The following SMYD1 variants were observed in gnomAD, a reference collection of about 807,000 sequenced individuals.
The protein encoded by SMYD1 is SET and MYND domain containing 1, also known as histone-lysine N-methyltransferase SMYD1.
A neutral mutation model predicts 54.0 loss-of-function variants in SMYD1; 49 were observed. The ratio of observed to expected loss-of-function variants is 0.91; its 90% CI spans 0.72 to 1.15. SMYD1 has a LOEUF of 1.15. SMYD1 is among the 50% of genes most tolerant of loss of function. The pLI is 0.00. For missense variants in SMYD1, 653 were observed against 639.6 expected (o/e 1.02, Z -0.23); for synonymous variants, 269 against 234.2 (o/e 1.15, Z -1.36).
intron 1 of SMYD1, among the ~76,000 whole-genome samples, chr2:88,070,761 TG>T (rs1160873583): frequency 1.1e-4 from 16 of 151,960 alleles, no homozygotes; most frequent in African/African-American, 3.9e-4. Flanking sequence ...CTGGCCAACA[TG>T]GTGAAACTCT....
Position 88,103,083 on chromosome 2 carries a change from T to C in SMYD1, c.914T>C (p.Met305Thr), listed in dbSNP as rs1558857705. The change falls in exon 7 of 10, where the codon ATG (methionine) becomes ACG (threonine). Residue 305 changes from methionine to threonine, a missense_variant. Met to Thr is a moderately conservative substitution (Grantham distance 81, BLOSUM62 -1). Transcript: ENST00000419482. ...PKPSQEVVKE[M>T]IQFSKDTLEK... ...CCCTCTCAGGAAGTGGTGAAGGAGA[T>C]GATACAATTCTCCAAGGATACATTG... is the stretch of plus-strand genomic sequence containing the variant. 1 of 1,614,042 alleles carries C rather than the reference T, an allele frequency of 6.2e-7. No homozygotes were observed.
chr2:88,093,336 C>T lies in SMYD1; in HGVS notation c.660-181C>T, dbSNP rs147147617. Among the ~76,000 whole-genome samples the T allele has an allele frequency of 9.8e-5, 15 of 152,298 alleles. No homozygotes were observed. In the East Asian group the frequency reaches 2.9e-3, roughly 29 times the overall value. On this transcript the variant is annotated intron_variant, in intron 4 of 9. Transcript: ENST00000419482. The stretch of plus-strand genomic sequence containing the variant: ...AATGTCTTGTTCCAAATTCAGTGCA[C>T]TTTCCCTATACTAGGCTGTGTCTTG...
chr2:88,079,691 G>A (rs992320009), intron 1 of SMYD1, among the ~76,000 whole-genome samples: 1 of 152,106 alleles, frequency 6.6e-6, no homozygotes, highest in Non-Finnish European at 1.5e-5. Flanking sequence ...TGTGGTGGCG[G>A]GTGCCTGTAA....
intron 1 of SMYD1, among the ~76,000 whole-genome samples, chr2:88,080,906 A>ATT (rs58421035): frequency 8.7e-4 from 127 of 146,370 alleles, no homozygotes; most frequent in East Asian, 2.2e-3. Context: ...TCATTATTTA[A>ATT]TTTTTTTTTT....
chr2:88,069,489 A>T (rs1472774139), intron 1 of SMYD1, among the ~76,000 whole-genome samples: 1 of 152,184 alleles, frequency 6.6e-6, no homozygotes, highest in East Asian at 1.9e-4. Flanking sequence ...AGCCAGCTGG[A>T]TTCAGAGTGA....
At chr2:88,079,992 T>G (rs909811890) in intron 1 of SMYD1, among the ~76,000 whole-genome samples, 46 of 152,252 alleles carry the variant, frequency 3.0e-4, no homozygotes, top group African/African-American at 1.1e-3. Flanking sequence ...ATTTTAAAAT[T>G]ACATATCTTT....
At position 88,091,090 on chromosome 2, in the gene SMYD1, C is replaced by G. The variant is rs746663101; in HGVS notation, c.607C>G (p.Leu203Val). Reference sequence around the variant, plus strand: ...CGTAGGCATCTTCCCCAACCTGGGCCTGGTGAACCATGACTGTTGGCCCAA... The same window carrying G: ...CGTAGGCATCTTCCCCAACCTGGGCGTGGTGAACCATGACTGTTGGCCCAA... ...VGVGIFPNLG[L>V]VNHDCWPNCT... Residue 203 changes from leucine (L) to valine (V), a missense_variant, in exon 4 of 10, where the codon CTG (leucine) becomes GTG (valine). Physicochemically the swap from Leu to Val is conservative, Grantham distance 32. Transcript: ENST00000419482. The G allele has an allele frequency of 2.5e-6, 4 of 1,614,206 alleles. No homozygotes were observed. In the Admixed American group the frequency reaches 5.0e-5, roughly 20 times the overall value.
chr2:88,079,973 T>C (rs1230825253), intron 1 of SMYD1, among the ~76,000 whole-genome samples: 1 of 152,232 alleles, frequency 6.6e-6, no homozygotes, highest in East Asian at 1.9e-4. Flanking sequence ...GTAAACCTCA[T>C]TTTAGCACAT....
chr2:88,094,474 T>C (rs1290262160), intron 5 of SMYD1, among the ~76,000 whole-genome samples: 1 of 152,160 alleles, frequency 6.6e-6, no homozygotes, highest in Non-Finnish European at 1.5e-5. Context: ...ATGAAGCTTG[T>C]CCAAGAAAGC....
At chr2:88,087,780 G>A in intron 2 of SMYD1, 82 bp from the exon 3 acceptor site, 2 of 1,234,824 alleles carry the variant, frequency 1.6e-6, no homozygotes, top group Admixed American at 2.9e-5. Flanking sequence ...CATTGTGCCT[G>A]GCATGCATGA....
At chr2:88,109,034 C>A (rs1366193673) in intron 9 of SMYD1, among the ~76,000 whole-genome samples, 1 of 152,196 alleles carries the variant, frequency 6.6e-6, no homozygotes, top group Non-Finnish European at 1.5e-5. Flanking sequence ...GTCTACCAGG[C>A]CCCACCTCCA....
intron 2 of SMYD1, among the ~76,000 whole-genome samples, chr2:88,085,901 A>G (rs1364202710): frequency 2.0e-5 from 3 of 152,210 alleles, no homozygotes; most frequent in Non-Finnish European, 4.4e-5. Context: ...ATGGTTGGTG[A>G]TGGTTGCACA....
Position 88,103,045 on chromosome 2 carries a change from C to A in SMYD1, c.889-13C>A. The stretch of plus-strand genomic sequence containing the variant: ...TGAAGGCATCTCTAGCTCAATGTGT[C>A]TCTCTTTCCCAGCCCTCTCAGGAAG... On this transcript the variant is annotated splice_polypyrimidine_tract_variant and intron_variant, in intron 6 of 9. Coordinates refer to ENST00000419482, the MANE Select transcript of SMYD1 (RefSeq NM_198274.4). 6.2e-7 allele frequency: 1 copy of A among 1,612,216 alleles called. No individual in the cohort carries two copies. Among genetic ancestry groups the A allele is most frequent in the South Asian group, 1.1e-5 (1 of 90,990 alleles).
intron 1 of SMYD1, among the ~76,000 whole-genome samples, chr2:88,074,161 C>T (rs1463896398): frequency 6.6e-6 from 1 of 152,200 alleles, no homozygotes; most frequent in African/African-American, 2.4e-5. Context: ...CCCCTAGGCA[C>T]CTGGCCTTTA....
chr2:88,102,206 T>C (rs1210227940), intron 6 of SMYD1, among the ~76,000 whole-genome samples: 1 of 152,220 alleles, frequency 6.6e-6, no homozygotes, highest in Non-Finnish European at 1.5e-5. Context: ...AAAAAATGTT[T>C]CAGAAAAGGA....
At chr2:88,102,264 G>C (rs1674738384) in intron 6 of SMYD1, among the ~76,000 whole-genome samples, 1 of 152,170 alleles carries the variant, frequency 6.6e-6, no homozygotes, top group Admixed American at 6.5e-5. Context: ...TTTGGACTTT[G>C]AGAAATTTGG....
At chr2:88,091,985 G>T (rs1300214847) in intron 4 of SMYD1, among the ~76,000 whole-genome samples, 1 of 152,224 alleles carries the variant, frequency 6.6e-6, no homozygotes, top group African/African-American at 2.4e-5. Flanking sequence ...GCCTGGAAGG[G>T]CAGGTGAAGG....
chr2:88,075,119 G>A (rs1008397660), intron 1 of SMYD1, among the ~76,000 whole-genome samples: 30 of 152,360 alleles, frequency 2.0e-4, no homozygotes, highest in African/African-American at 7.2e-4. Context: ...TGCATTGGAT[G>A]TTGAGAATAA....
chr2:88,109,517 T>G (rs1355801527), intron 9 of SMYD1, among the ~76,000 whole-genome samples: 1 of 152,176 alleles, frequency 6.6e-6, no homozygotes, highest in African/African-American at 2.4e-5. Flanking sequence ...GCCTGGCAAA[T>G]GGTGCTGCTG....
Sources: allele counts gnomAD v4.1 joint callset (sites outside exome capture counted in the v4.1 genomes callset), GRCh38; gene constraint gnomAD v4.1.1; transcripts MANE v1.5; gene names NCBI Gene and HGNC (gene_info 2026-07-23, HGNC 2026-07-21).